CD22: variants seen among roughly 807,000 people sequenced by gnomAD.
CD22 encodes B-cell receptor CD22.
Under a neutral mutation model 94.7 loss-of-function variants are expected in CD22, and 51 were observed. The observed-to-expected ratio is 0.54, with a 90% confidence interval of 0.43 to 0.68. CD22 has a LOEUF of 0.68. CD22 is among the 30% of genes least tolerant of loss of function. The pLI, the probability that CD22 is intolerant of heterozygous loss-of-function variation, is 0.00. For missense variants in CD22, 931 were observed against 1,060.4 expected, an observed-to-expected ratio of 0.88 and a Z score of 1.69; for synonymous variants, 424 against 422.5, an observed-to-expected ratio of 1.00 and a Z score of -0.04.
intron 4 of CD22, 54 bp downstream of exon 4, chr19:35,336,395 C>T: frequency 6.4e-7 from 1 of 1,558,880 alleles, no homozygotes; most frequent in South Asian, 1.2e-5. Context: ...CACCTTCTCC[C>T]CAGCCCCGCA....
At position 35,345,598 on chromosome 19, in the gene CD22, C is replaced by T. The variant is rs562642800; in HGVS notation, c.2209-4C>T. 1.9e-6 allele frequency: 3 copies of T among 1,578,904 alleles called. No individual in the cohort carries two copies. The Admixed American group carries it at 5.0e-5, about 27-fold the overall frequency. ...TTAGCACTTCATCCTCGTCTCCCTC[C>T]CAGGTTAGAAGGGCCCCCCTCTCTG... On this transcript the variant is annotated splice_polypyrimidine_tract_variant and splice_region_variant and intron_variant, in intron 11 of 13. Coordinates refer to ENST00000085219, the MANE Select transcript of CD22 (RefSeq NM_001771.4).
intron 9 of CD22, among the ~76,000 whole-genome samples, chr19:35,344,077 T>C (rs923530905): frequency 6.6e-6 from 1 of 152,166 alleles, no homozygotes; most frequent in Non-Finnish European, 1.5e-5. Flanking sequence ...GCACCTGTAG[T>C]CCCAACTACT....
At chr19:35,346,003 C>T in intron 12 of CD22, 148 bp from the exon 13 acceptor site, 2 of 673,902 alleles carry the variant, frequency 3.0e-6, no homozygotes, top group Non-Finnish European at 5.3e-6. Flanking sequence ...TGCACGAGCT[C>T]CTACTGTGAG....
rs2066749710 is a variant in CD22, at chr19:35,338,020, G to C, written c.984G>C (p.Gln328His). The stretch of plus-strand genomic sequence containing the variant: ...CGGAAGAAGTGTTCCTGCAAGTGCA[G>C]TGTGAGCCCCTCGGAGCTGGGGACA... ...GRSEEVFLQVQYAPEPSTVQI... is the reference protein window; with the variant it reads ...GRSEEVFLQVHYAPEPSTVQI... The change falls in exon 5 of 14, where the codon CAG (glutamine) becomes CAC (histidine). Residue 328 changes from glutamine to histidine, a missense_variant and splice_region_variant. Coordinates refer to ENST00000085219, the MANE Select transcript of CD22 (RefSeq NM_001771.4). 6.2e-7 allele frequency: 1 copy of C among 1,606,670 alleles called. No individual in the cohort carries two copies. Among genetic ancestry groups the C allele is most frequent in the Non-Finnish European group, 8.5e-7 (1 of 1,175,064 alleles).
In CD22 at chr19:35,341,619, C is replaced by T. The variant is rs200884904; in HGVS notation, c.1771+13C>T. ...CTTGAAGTGCTGTGTGAGTGAGGGC[C>T]GGAGGCTGGGAGTGGAGCAGAGAAG... is the stretch of plus-strand genomic sequence containing the variant. On this transcript the variant is annotated intron_variant, in intron 8 of 13. Coordinates refer to ENST00000085219, the MANE Select transcript of CD22 (RefSeq NM_001771.4). The surrounding 1 kb of genome is among the most constrained non-coding windows in gnomAD (Gnocchi z 4.0). 3.3e-5 allele frequency: 53 copies of T among 1,608,280 alleles called. No homozygotes were observed. The African/African-American group carries it at 5.5e-4, about 17-fold the overall frequency.
intron 3 of CD22, 76 bp downstream of exon 3, chr19:35,333,000 C>T (rs1273469208): frequency 6.7e-6 from 10 of 1,491,548 alleles, no homozygotes; most frequent in Non-Finnish European, 9.1e-6. Context: ...ACTCCTGGCA[C>T]AGAGCTCACA....
In CD22 at chr19:35,346,895, C is replaced by A; in HGVS notation, c.*198C>A. ...CCAGTCTTTTTGGTGAGGGTAACCCCAAACCTCCAAAACTCCTGCCCCTGT... is the reference window on the plus strand; with the variant it reads ...CCAGTCTTTTTGGTGAGGGTAACCCAAAACCTCCAAAACTCCTGCCCCTGT... On this transcript the variant is annotated 3_prime_UTR_variant, in exon 14 of 14. Coordinates refer to ENST00000085219, the MANE Select transcript of CD22 (RefSeq NM_001771.4). 1.7e-6 allele frequency: 1 copy of A among 572,508 alleles called. No homozygotes were observed. Among genetic ancestry groups the A allele is most frequent in the Non-Finnish European group, 3.0e-6 (1 of 332,644 alleles). The allele number at this position is 572,508 out of a possible 1,614,324, so 35.5% of individuals were successfully genotyped here.
intron 11 of CD22, 171 bp from the exon 12 acceptor site, chr19:35,345,431 A>C: frequency 3.9e-5 from 21 of 541,892 alleles, no homozygotes; most frequent in East Asian, 6.2e-5. Context: ...AAAAAAAAAA[A>C]AAAAAAAAAA....
rs933371541 is a variant in CD22 at position 35,346,004 on chromosome 19, C to T, written c.2328-147C>T. On this transcript the variant is annotated intron_variant, in intron 12 of 13. Coordinates refer to ENST00000085219, the MANE Select transcript of CD22 (RefSeq NM_001771.4). ...CCTCCACGCACATTTGCACGAGCTC[C>T]TACTGTGAGCTTTGGGCACTGGGGA... 1.0e-5 allele frequency: 7 copies of T among 674,348 alleles called. No homozygotes were observed. In the Admixed American group the frequency reaches 1.1e-4, roughly 11 times the overall value. 41.8% of individuals were successfully genotyped at this position (674,348 alleles called of 1,614,324 possible).
rs746306633 is a variant in CD22, at chr19:35,341,578, G to A, written c.1743G>A (p.Ala581=). Residue 581 remains alanine (A), a synonymous_variant, in exon 8 of 14, where the codon GCG becomes GCA. Coordinates refer to ENST00000085219, the MANE Select transcript of CD22 (RefSeq NM_001771.4). This position sits in a 1 kb window ranked among gnomAD's most constrained non-coding sequence, Gnocchi z 4.0. ...TGAACAACTCCATAGGACAGACAGC[G>A]TCCAAGGCCTGGACACTTGAAGTGC... The part of the protein sequence containing the change: ...CWVNNSIGQT[A]SKAWTLEVLY... 5.6e-6 allele frequency: 9 copies of A among 1,613,126 alleles called. No homozygotes were observed. Among genetic ancestry groups the A allele is most frequent in the Non-Finnish European group, 5.9e-6 (7 of 1,179,338 alleles).
chr19:35,346,479 G>A (rs1204331191), intron 13 of CD22, 87 bp from the exon 14 acceptor site: 7 of 1,529,388 alleles, frequency 4.6e-6, no homozygotes, highest in Non-Finnish European at 1.8e-6. Flanking sequence ...TGGACCCCCG[G>A]GTGGAATGAA....
chr19:35,346,424 C>T (rs58156121), intron 13 of CD22, 142 bp from the exon 14 acceptor site: 70,860 of 1,240,492 alleles, frequency 0.057, 3,012 homozygotes, highest in East Asian at 0.17. Flanking sequence ...TCCTGGATGC[C>T]GGCCACAGCC....
chr19:35,335,182 C>G (rs1013190885), intron 3 of CD22, among the ~76,000 whole-genome samples: 6 of 151,602 alleles, frequency 4.0e-5, no homozygotes, highest in Non-Finnish European at 8.8e-5. Flanking sequence ...AAAAGTAGAT[C>G]ACAGTTCCCA....
At chr19:35,333,303 C>T (rs368271261) in intron 3 of CD22, among the ~76,000 whole-genome samples, 4 of 152,164 alleles carry the variant, frequency 2.6e-5, no homozygotes, top group African/African-American at 9.7e-5. Flanking sequence ...AGCTCTCCCC[C>T]AGGCTGGACC....
At position 35,340,877 on chromosome 19, in the gene CD22, C is replaced by A; in HGVS notation, c.1250-4C>A. The A allele has an allele frequency of 1.9e-6, 3 of 1,614,052 alleles. No individual in the cohort carries two copies. Among genetic ancestry groups the A allele is most frequent in the Non-Finnish European group, 2.5e-6 (3 of 1,179,958 alleles). ...CTTTACTCACCTCTCTGGTTTTCTT[C>A]CAGATCCTCCCAAGAAGGTGACCAC... On this transcript the variant is annotated splice_polypyrimidine_tract_variant and splice_region_variant and intron_variant, in intron 6 of 13. Transcript: ENST00000085219.
In CD22 at chr19:35,341,407, G is replaced by C; in HGVS notation, c.1572G>C (p.Ser524=). The part of the protein sequence containing the change: ...KPLSEIHSGN[S]VSLQCDFSSS... ...TTTCCGAGATTCACTCTGGAAACTC[G>C]GTCAGCCTCCAATGTGACTTCTCAA... The change falls in exon 8 of 14, where the codon TCG becomes TCC. Residue 524 remains serine, a synonymous_variant. Coordinates refer to ENST00000085219, the MANE Select transcript of CD22 (RefSeq NM_001771.4). The surrounding 1 kb of genome is among the most constrained non-coding windows in gnomAD (Gnocchi z 4.0). The C allele has an allele frequency of 1.2e-6, 2 of 1,613,700 alleles. No homozygotes were observed. The highest frequency in any genetic ancestry group is 1.1e-5 in the South Asian group (1 of 91,076).
Position 35,346,820 on chromosome 19 carries a change from A to ACACACACACACACACACG in CD22, c.*140_*141insGCACACACACACACACAC. Reference sequence around the variant, plus strand: ...TGTGCGCACACACACACACACACGCACACACACACACACACACTCACTGCG... The same window carrying ACACACACACACACACACG: ...TGTGCGCACACACACACACACACGCACACACACACACACACACGCACACACACACACACACTCACTGCG... On this transcript the variant is annotated 3_prime_UTR_variant, in exon 14 of 14. Coordinates refer to ENST00000085219, the MANE Select transcript of CD22 (RefSeq NM_001771.4). 2.3e-6 allele frequency: 1 copy of ACACACACACACACACACG among 426,178 alleles called. No homozygotes were observed. Among genetic ancestry groups the ACACACACACACACACACG allele is most frequent in the African/African-American group, 1.9e-5 (1 of 51,482 alleles). The allele number at this position is 426,178 out of a possible 1,614,324, so 26.4% of individuals were successfully genotyped here.
In CD22 at chr19:35,345,690, G is replaced by A. The variant is rs202049039; in HGVS notation, c.2297G>A (p.Arg766His). Reference protein sequence around the residue: ...MEDGISYTTLRFPEMNIPRTG... With the variant: ...MEDGISYTTLHFPEMNIPRTG... ...GATGGCATTAGCTACACCACCCTGC[G>A]CTTTCCCGAGATGAACATACCACGA... Residue 766 changes from arginine (R) to histidine (H), a missense_variant, in exon 12 of 14, where the codon CGC (arginine) becomes CAC (histidine). Physicochemically the swap from Arg to His is conservative, Grantham distance 29. Coordinates refer to ENST00000085219, the MANE Select transcript of CD22 (RefSeq NM_001771.4). The A allele has an allele frequency of 4.9e-5, 79 of 1,613,270 alleles. No individual in the cohort carries two copies. The highest frequency in any genetic ancestry group is 1.6e-4 in the Middle Eastern group (1 of 6,082).
rs867410565 is a variant in CD22 at position 35,346,171 on chromosome 19, T to C, written c.2348T>C (p.Met783Thr). The change falls in exon 13 of 14, where the codon ATG becomes ACG. Residue 783 changes from methionine to threonine, a missense_variant. Physicochemically the swap from Met to Thr is moderately conservative, Grantham distance 81. Transcript: ENST00000085219. ...CTCAGAGATGCAGAGTCCTCAGAGATGCAGAGACCTCCCCCGGACTGCGAT... is the reference window on the plus strand; with the variant it reads ...CTCAGAGATGCAGAGTCCTCAGAGACGCAGAGACCTCCCCCGGACTGCGAT... The part of the protein sequence containing the change: ...PRTGDAESSE[M>T]QRPPPDCDDT... The C allele has an allele frequency of 1.2e-6, 2 of 1,613,896 alleles. No homozygotes were observed. Among genetic ancestry groups the C allele is most frequent in the Middle Eastern group, 3.3e-4 (2 of 6,062 alleles).
Sources: gnomAD v4.1 joint callset for allele counts (sites outside exome capture counted in the v4.1 genomes callset) on GRCh38, gnomAD v4.1.1 for gene constraint, Gnocchi (gnomAD v3.1) non-coding constraint, MANE v1.5 for transcripts, NCBI Gene and HGNC (gene_info 2026-07-23, HGNC 2026-07-21) for gene names.